FRMPD4: variants seen among roughly 807,000 people sequenced by gnomAD.
FRMPD4 encodes the protein FERM and PDZ domain containing 4.
Under a neutral mutation model 94.1 loss-of-function variants are expected in FRMPD4, and 22 were observed. That is an observed-to-expected ratio of 0.23 (90% CI 0.17 to 0.33). The LOEUF (loss-of-function observed/expected upper bound fraction) is 0.33, where lower values mean the gene tolerates loss of function less well. Ranked by LOEUF, FRMPD4 falls within the 10% of genes least tolerant of loss-of-function variation. The pLI, the probability that FRMPD4 is intolerant of heterozygous loss-of-function variation, is 1.00. For synonymous variants in FRMPD4, 631 were observed against 548.6 expected (o/e 1.15, Z -2.10); for missense variants, 1,111 against 1,339.9 (o/e 0.83, Z 2.67).
At chrX:12,209,591 G>A (rs1381223904) in intron 1 of FRMPD4, among the ~76,000 whole-genome samples, 3 of 112,156 alleles carry the variant, frequency 2.7e-5, no homozygotes, top group Non-Finnish European at 5.6e-5. Flanking sequence ...TAAAAGCCCT[G>A]CAGTAGTATG....
In FRMPD4 at chrX:12,109,593, T is replaced by C. The variant is rs748163302; in HGVS notation, c.95+231575T>C. On this transcript the variant is annotated intron_variant, in intron 3 of 18. Transcript: ENST00000640291. Reference sequence around the variant, plus strand: ...AAGATCAGAGCAGAACTGAAGGAAATAGAGACACAAAAATCCCTTCAAAAA... The same window carrying C: ...AAGATCAGAGCAGAACTGAAGGAAACAGAGACACAAAAATCCCTTCAAAAA... Among the ~76,000 whole-genome samples, 5 of 111,004 alleles carry C rather than the reference T, an allele frequency of 4.5e-5. No individual in the cohort carries two copies. In the East Asian group the frequency reaches 1.4e-3, roughly 31 times the overall value.
At chrX:12,191,281 C>T (rs1405850465) in intron 1 of FRMPD4, among the ~76,000 whole-genome samples, 2 of 111,788 alleles carry the variant, frequency 1.8e-5, no homozygotes, top group Non-Finnish European at 3.8e-5. Context: ...CAGGAACTTT[C>T]GTTCACTACT....
chrX:11,883,054 T>G (rs1385972610), intron 3 of FRMPD4, among the ~76,000 whole-genome samples: 1 of 111,900 alleles, frequency 8.9e-6, no homozygotes, highest in Non-Finnish European at 1.9e-5. Context: ...CAGGCGCTAC[T>G]CTAGGCCTTC....
At chrX:12,264,054 T>TG (rs1295500984) in intron 1 of FRMPD4, among the ~76,000 whole-genome samples, 4 of 110,968 alleles carry the variant, frequency 3.6e-5, no homozygotes, top group Non-Finnish European at 5.7e-5. Context: ...CACGTGCTTT[T>TG]GGGGGGGACA....
At chrX:12,707,785 C>G in intron 13 of FRMPD4, 134 bp downstream of exon 13, 1 of 497,909 alleles carries the variant, frequency 2.0e-6, no homozygotes, top group Middle Eastern at 6.0e-4. Flanking sequence ...AGAAAATAAT[C>G]CACCAACTCA....
At chrX:11,857,051 T>C (rs1304284099) in intron 1 of FRMPD4, among the ~76,000 whole-genome samples, 1 of 111,500 alleles carries the variant, frequency 9.0e-6, no homozygotes, top group Non-Finnish European at 1.9e-5. Context: ...CTCAGAGAAA[T>C]CAGAGATGAC....
At chrX:12,573,796 G>T (rs2058782503) in intron 2 of FRMPD4, among the ~76,000 whole-genome samples, 1 of 112,017 alleles carries the variant, frequency 8.9e-6, no homozygotes, top group African/African-American at 3.2e-5. Context: ...CTCACATTCT[G>T]TCACAAGTAC....
chrX:12,069,316 G>A (rs1180297859), intron 3 of FRMPD4, among the ~76,000 whole-genome samples: 1 of 111,391 alleles, frequency 9.0e-6, no homozygotes, highest in Non-Finnish European at 1.9e-5. Flanking sequence ...CTTTTACCCT[G>A]AGTATGAAGG....
chrX:12,508,049 C>G (rs768614947), intron 2 of FRMPD4, among the ~76,000 whole-genome samples: 1 of 112,288 alleles, frequency 8.9e-6, no homozygotes, highest in African/African-American at 3.2e-5. Context: ...GCAATTTGCG[C>G]TTACTAATGG....
intron 1 of FRMPD4, among the ~76,000 whole-genome samples, chrX:12,176,515 C>G (rs1225298539): frequency 1.8e-5 from 2 of 111,630 alleles, no homozygotes; most frequent in African/African-American, 6.5e-5. Context: ...ATGTTAAAAT[C>G]TGTATAATTA....
At chrX:12,067,122 G>A (rs1279408965) in intron 3 of FRMPD4, among the ~76,000 whole-genome samples, 1 of 109,027 alleles carries the variant, frequency 9.2e-6, no homozygotes, top group African/African-American at 3.3e-5. Context: ...TGCCCACCTC[G>A]GCCTCCCAAA....
intron 1 of FRMPD4, among the ~76,000 whole-genome samples, chrX:12,140,367 T>G (rs708464): frequency 0.12 from 13,790 of 112,052 alleles, 873 homozygotes; most frequent in African/African-American, 0.24. Flanking sequence ...AAGCAGTGGA[T>G]GATTGTGGTG....
At chrX:11,917,514 G>A (rs1169769842) in intron 3 of FRMPD4, among the ~76,000 whole-genome samples, 1 of 111,968 alleles carries the variant, frequency 8.9e-6, no homozygotes, top group Non-Finnish European at 1.9e-5. Flanking sequence ...TGGTGGACTG[G>A]ACAAAGAAAA....
intron 3 of FRMPD4, among the ~76,000 whole-genome samples, chrX:12,078,176 G>A (rs1036185951): frequency 3.6e-5 from 4 of 112,173 alleles, no homozygotes; most frequent in Non-Finnish European, 7.5e-5. Context: ...TGATTCCCAC[G>A]GTTTCAAGAA....
intron 3 of FRMPD4, among the ~76,000 whole-genome samples, chrX:11,888,086 C>G (rs1311069036): frequency 8.9e-6 from 1 of 112,019 alleles, no homozygotes; most frequent in Admixed American, 9.5e-5. Flanking sequence ...AACCATTGAA[C>G]TCATTTTATT....
intron 1 of FRMPD4, among the ~76,000 whole-genome samples, chrX:12,332,936 A>G (rs2055454446): frequency 8.9e-6 from 1 of 111,884 alleles, no homozygotes; most frequent in African/African-American, 3.2e-5. Context: ...CCTGTTTTAT[A>G]TGGAATGGCA....
At chrX:12,698,738 G>T (rs1399956571) in intron 9 of FRMPD4, among the ~76,000 whole-genome samples, 2 of 111,172 alleles carry the variant, frequency 1.8e-5, no homozygotes, top group African/African-American at 6.6e-5. Context: ...GTTAAATACA[G>T]GGTAAAGCAG....
In FRMPD4 at chrX:12,704,026, T is replaced by G. The variant is rs146858174; in HGVS notation, c.1071-333T>G. Among the ~76,000 whole-genome samples the G allele has an allele frequency of 6.6e-3, 741 of 112,345 alleles. 4 individuals carry two copies. The highest frequency in any genetic ancestry group is 0.011 in the Non-Finnish European group (592 of 53,218). On this transcript the variant is annotated intron_variant, in intron 10 of 16. Transcript: ENST00000675598. ...CAAAGGGATGGAGAGAAATTGGTGTTGGAAATACAAACTCGGATACGTGAG... is the reference window on the plus strand; with the variant it reads ...CAAAGGGATGGAGAGAAATTGGTGTGGGAAATACAAACTCGGATACGTGAG...
chrX:12,167,533 C>G (rs16986795), intron 1 of FRMPD4, among the ~76,000 whole-genome samples: 5,463 of 111,390 alleles, frequency 0.049, 203 homozygotes, highest in African/African-American at 0.12. Flanking sequence ...AAATGAATAT[C>G]AAGTGGTAGC....
Sources: gnomAD v4.1 joint callset for allele counts (sites outside exome capture counted in the v4.1 genomes callset) on GRCh38, gnomAD v4.1.1 for gene constraint, MANE v1.5 for transcripts, NCBI Gene and HGNC (gene_info 2026-07-23, HGNC 2026-07-21) for gene names.